Variants in TMCC2 observed in about 807,000 individuals in gnomAD.
TMCC2 encodes the protein transmembrane and coiled-coil domain family 2.
In TMCC2, 16 loss-of-function variants were observed where a neutral mutation model predicts 49.4. The ratio of observed to expected loss-of-function variants is 0.32; its 90% CI spans 0.22 to 0.49. TMCC2 has a LOEUF of 0.49. TMCC2 is among the 20% of genes least tolerant of loss of function. The pLI, the probability that TMCC2 is intolerant of heterozygous loss-of-function variation, is 0.99. For synonymous variants in TMCC2, 397 were observed against 434.1 expected (o/e 0.91, Z 1.06); for missense variants, 762 against 989.8 (o/e 0.77, Z 3.09).
At chr1:205,259,671 C>T (rs1283443283) in intron 2 of TMCC2, among the ~76,000 whole-genome samples, 2 of 152,284 alleles carry the variant, frequency 1.3e-5, no homozygotes, top group South Asian at 2.1e-4. Context: ...CGGGTTGACA[C>T]GAGGACACTG....
At chr1:205,258,589 C>T (rs920524474) in intron 2 of TMCC2, among the ~76,000 whole-genome samples, 3 of 152,138 alleles carry the variant, frequency 2.0e-5, no homozygotes, top group Non-Finnish European at 4.4e-5. Flanking sequence ...TTCCTGTTAC[C>T]CACATATCCT....
chr1:205,250,218 C>A (rs974092757), intron 2 of TMCC2, among the ~76,000 whole-genome samples: 4 of 152,158 alleles, frequency 2.6e-5, no homozygotes, highest in African/African-American at 7.2e-5. Flanking sequence ...CATCTTTTCC[C>A]CACTAACACC....
chr1:205,268,867 A>G (rs769482204), intron 2 of TMCC2, 83 bp from the exon 3 acceptor site: 152 of 1,392,160 alleles, frequency 1.1e-4, no homozygotes, highest in Admixed American at 6.6e-4. Context: ...TTCTAGATAG[A>G]AAAACCAAGT....
intron 2 of TMCC2, chr1:205,246,389 C>G: frequency 1.1e-6 from 1 of 897,532 alleles, no homozygotes; most frequent in Non-Finnish European, 1.5e-6. Context: ...GTGGAAATGC[C>G]AAATAAGCAG....
At chr1:205,246,496 T>A in intron 2 of TMCC2, 2 of 1,474,200 alleles carry the variant, frequency 1.4e-6, no homozygotes, top group Non-Finnish European at 9.0e-7. Context: ...ATGATGGGAC[T>A]GAACCATTTG....
At chr1:205,247,812 G>GCAGCCCTGGCAGGGTTGAGTC (rs540759996) in intron 2 of TMCC2, among the ~76,000 whole-genome samples, 3,627 of 152,102 alleles carry the variant, frequency 0.024, 61 homozygotes, top group East Asian at 0.067. Flanking sequence ...TCGGACCAGA[G>GCAGCCCTGGCAGGGTTGAGTC]CAGCCCTGGC....
intron 2 of TMCC2, among the ~76,000 whole-genome samples, chr1:205,250,268 C>T (rs866800754): frequency 1.2e-4 from 18 of 152,262 alleles, no homozygotes; most frequent in South Asian, 2.1e-4. Context: ...CGGCCGGGCA[C>T]GGTGGCTCGT....
At chr1:205,235,457 A>C (rs1453225668) in intron 1 of TMCC2, among the ~76,000 whole-genome samples, 1 of 152,166 alleles carries the variant, frequency 6.6e-6, no homozygotes, top group East Asian at 1.9e-4. Flanking sequence ...AAGGAGTTGA[A>C]ATATCTGATA....
chr1:205,250,367 C>A (rs982853587), intron 2 of TMCC2, among the ~76,000 whole-genome samples: 1 of 151,938 alleles, frequency 6.6e-6, no homozygotes, highest in Non-Finnish European at 1.5e-5. Context: ...ATGAGGAAAC[C>A]CCGTCTCTAC....
At chr1:205,260,794 G>A (rs908376644) in intron 2 of TMCC2, among the ~76,000 whole-genome samples, 1 of 145,636 alleles carries the variant, frequency 6.9e-6, no homozygotes, top group Non-Finnish European at 1.5e-5. Flanking sequence ...GGCCTTTCTT[G>A]TCTGGTTTGT....
intron 1 of TMCC2, chr1:205,229,839 C>T: frequency 1.0e-6 from 1 of 985,390 alleles, no homozygotes; most frequent in Non-Finnish European, 1.2e-6. Context: ...TTGAATATAT[C>T]TCTATCAATT....
intron 2 of TMCC2, among the ~76,000 whole-genome samples, chr1:205,251,894 C>T (rs1421642140): frequency 1.3e-5 from 2 of 152,224 alleles, no homozygotes; most frequent in Non-Finnish European, 2.9e-5. Flanking sequence ...TCAGCAGGAG[C>T]ACACCAGAAT....
intron 2 of TMCC2, among the ~76,000 whole-genome samples, chr1:205,265,639 G>A (rs1661292579): frequency 1.3e-5 from 2 of 149,856 alleles, no homozygotes. Context: ...TCGGCTCACT[G>A]CAACCTCTGC....
chr1:205,242,474 T>C (rs967583863), intron 2 of TMCC2, among the ~76,000 whole-genome samples: 6 of 152,136 alleles, frequency 3.9e-5, no homozygotes, highest in African/African-American at 1.2e-4. Context: ...AGTTAATATA[T>C]GTAAAATACT....
chr1:205,257,325 A>G (rs776638708), intron 2 of TMCC2: 211 of 1,232,044 alleles, frequency 1.7e-4, no homozygotes, highest in Non-Finnish European at 2.1e-4. Flanking sequence ...AGCCCCGGGT[A>G]CCTCATCGCC....
chr1:205,246,846 C>T (rs1660472613), intron 2 of TMCC2, among the ~76,000 whole-genome samples: 2 of 151,960 alleles, frequency 1.3e-5, no homozygotes, highest in African/African-American at 4.8e-5. Flanking sequence ...AGGGGGAAGA[C>T]GTTGGGGTGG....
intron 2 of TMCC2, among the ~76,000 whole-genome samples, chr1:205,247,162 G>A (rs1660486294): frequency 6.6e-6 from 1 of 152,134 alleles, no homozygotes; most frequent in South Asian, 2.1e-4. Flanking sequence ...TAGGTGTATG[G>A]CCTGGTTGAT....
chr1:205,241,175 C>T lies in TMCC2; in HGVS notation c.208-330C>T, dbSNP rs1244131271. ...TCTAGAGGGATACAACCCCATGAGC[C>T]AAGTGCTACCTGTGTATGCCATTAA... On this transcript the variant is annotated intron_variant, in intron 1 of 4. Coordinates refer to ENST00000358024, the MANE Select transcript of TMCC2 (RefSeq NM_014858.4). The surrounding 1 kb of genome is among the most constrained non-coding windows in gnomAD (Gnocchi z 7.3). Among the ~76,000 whole-genome samples the T allele has an allele frequency of 1.3e-5, 2 of 152,086 alleles. No homozygotes were observed. Among genetic ancestry groups the T allele is most frequent in the East Asian group, 3.9e-4 (2 of 5,184 alleles).
In TMCC2 at chr1:205,269,687, T is replaced by C; in HGVS notation, c.1485T>C (p.Ala495=). The C allele has an allele frequency of 6.2e-7, 1 of 1,614,014 alleles. No individual in the cohort carries two copies. The highest frequency in any genetic ancestry group is 8.5e-7 in the Non-Finnish European group (1 of 1,179,948). The part of the protein sequence containing the change: ...SSAGAGSNSG[A]GPGGALGSPK... The stretch of plus-strand genomic sequence containing the variant: ...CCGGGGCAGGCAGCAACTCTGGGGC[T>C]GGGCCTGGTGGGGCGCTGGGGAGCC... The change falls in exon 3 of 5, where the codon GCT becomes GCC. Residue 495 remains alanine (A), a synonymous_variant. Transcript: ENST00000358024.
Sources: allele counts gnomAD v4.1 joint callset (sites outside exome capture counted in the v4.1 genomes callset), GRCh38; gene constraint gnomAD v4.1.1; non-coding constraint Gnocchi (gnomAD v3.1); transcripts MANE v1.5; gene names NCBI Gene and HGNC (gene_info 2026-07-23, HGNC 2026-07-21).